Variants in TVP23C observed in about 807,000 individuals in gnomAD.
TVP23C encodes the protein trans-golgi network vesicle protein 23 homolog C.
Under a neutral mutation model 28.7 loss-of-function variants are expected in TVP23C, and 19 were observed. That is an observed-to-expected ratio of 0.66 (90% CI 0.46 to 0.97). TVP23C has a LOEUF of 0.97. TVP23C is among the 50% of genes least tolerant of loss of function. TVP23C has a pLI of 0.00. For missense variants in TVP23C, 186 were observed against 241.3 expected (o/e 0.77, Z 1.52); for synonymous variants, 68 against 81.7 (o/e 0.83, Z 0.90).
intron 5 of TVP23C, among the ~76,000 whole-genome samples, chr17:15,506,185 C>G (rs1352051002): frequency 6.6e-6 from 1 of 152,264 alleles, no homozygotes; most frequent in Admixed American, 6.5e-5. Flanking sequence ...GTCTTTATGT[C>G]TAGCTCAGGG....
In TVP23C at chr17:15,538,683, G is replaced by A; in HGVS notation, c.*1729C>T. The A allele has an allele frequency of 1.0e-6, 1 of 985,432 alleles. No homozygotes were observed. Among genetic ancestry groups the A allele is most frequent in the South Asian group, 4.7e-5 (1 of 21,288 alleles). 61.0% of individuals were successfully genotyped at this position (985,432 alleles called of 1,614,324 possible). A position where few individuals can be genotyped will look rare whatever the true frequency, so the allele number is the denominator to read the frequency against. On this transcript the variant is annotated 3_prime_UTR_variant, in exon 6 of 6. Coordinates refer to ENST00000518321, the MANE Select transcript of TVP23C (RefSeq NM_001135036.2). Reference sequence around the variant, plus strand: ...CCCAGCTGTCCAGTTTGTCTCATTTGAGCAGACGCCGGATACCATGTAAGA... The same window carrying A: ...CCCAGCTGTCCAGTTTGTCTCATTTAAGCAGACGCCGGATACCATGTAAGA...
chr17:15,525,588 G>A (rs2150838737), intron 5 of TVP23C, among the ~76,000 whole-genome samples: 1 of 152,348 alleles, frequency 6.6e-6, no homozygotes, highest in South Asian at 2.1e-4. Context: ...GTTCCAGCCT[G>A]CTGGCCTGCC....
intron 5 of TVP23C, among the ~76,000 whole-genome samples, chr17:15,524,063 G>GGGGTGTGT (rs1216462843): frequency 1.5e-5 from 2 of 136,262 alleles, no homozygotes; most frequent in Non-Finnish European, 3.1e-5. Context: ...AGCAGAGTGG[G>GGGGTGTGT]GTGTGTGTGT....
Position 15,553,799 on chromosome 17 carries a change from G to C in TVP23C, c.126C>G (p.Phe42Leu), listed in dbSNP as rs138170654. Residue 42 changes from phenylalanine (F) to leucine (L), a missense_variant, in exon 3 of 6, where the codon TTC becomes TTG. This residue lies in a region of TVP23C where 92 missense variants were observed against 94.3 expected (regional missense o/e 0.98). Coordinates refer to ENST00000518321, the MANE Select transcript of TVP23C (RefSeq NM_001135036.2). ...RHPVASFFHL[F>L]FRVSAIIVCL... is the part of the protein sequence containing the mutation. ...AGACGATGATTGCACTGACTCGAAA[G>C]AATAAGTGGAAAAACGATGCTACTG... 7 of 1,613,832 alleles carry C rather than the reference G, an allele frequency of 4.3e-6. No individual in the cohort carries two copies. Among genetic ancestry groups the C allele is most frequent in the Non-Finnish European group, 5.9e-6 (7 of 1,179,838 alleles).
At chr17:15,561,346 C>G (rs1984376261) in intron 1 of TVP23C, among the ~76,000 whole-genome samples, 1 of 152,182 alleles carries the variant, frequency 6.6e-6, no homozygotes, top group African/African-American at 2.4e-5. Flanking sequence ...CGCCTGTAAT[C>G]CTAGCACTTT....
chr17:15,549,294 G>A (rs1237580055), intron 3 of TVP23C, among the ~76,000 whole-genome samples: 1 of 152,182 alleles, frequency 6.6e-6, no homozygotes, highest in Admixed American at 6.5e-5. Context: ...AATTGGATAT[G>A]GAGTAGGAAG....
chr17:15,560,422 T>C lies in TVP23C; in HGVS notation c.12+3015A>G, dbSNP rs555597899. On this transcript the variant is annotated intron_variant, in intron 1 of 5. Coordinates refer to ENST00000518321, the MANE Select transcript of TVP23C (RefSeq NM_001135036.2). ...CTCAGTAAGAGCAGTTCCAGTACAGTTGGGAGAGGGGAAGAGAGACTGACT... is the reference window on the plus strand; with the variant it reads ...CTCAGTAAGAGCAGTTCCAGTACAGCTGGGAGAGGGGAAGAGAGACTGACT... 3.8e-4 allele frequency among the ~76,000 whole-genome samples: 56 copies of C among 149,088 alleles called. 1 individual carries two copies. The highest frequency in any genetic ancestry group is 1.3e-3 in the African/African-American group (53 of 41,258).
chr17:15,502,799 TC>T lies in TVP23C; in HGVS notation c.*64del, dbSNP rs1410192497. 610 of 1,461,124 alleles carry T rather than the reference TC, an allele frequency of 4.2e-4. No homozygotes were observed. In the Middle Eastern group the frequency reaches 6.9e-3, roughly 17 times the overall value. 90.5% of individuals were successfully genotyped at this position (1,461,124 alleles called of 1,614,324 possible). A position where few individuals can be genotyped will look rare whatever the true frequency, so the allele number is the denominator to read the frequency against. ...CTCTCTTCCCTCCCTCTCTCCTCTC[TC>T]CTCTCTCTCCTCTCTCTCTCTCTCT... On this transcript the variant is annotated 3_prime_UTR_variant, in exon 6 of 6. Transcript: ENST00000225576.
intron 5 of TVP23C, among the ~76,000 whole-genome samples, chr17:15,523,078 C>T (rs1438559575): frequency 1.3e-5 from 2 of 151,598 alleles, no homozygotes; most frequent in African/African-American, 4.9e-5. Flanking sequence ...GGTGCGATCT[C>T]GGCTCACTGC....
At chr17:15,550,243 A>T (rs1983828867) in intron 3 of TVP23C, among the ~76,000 whole-genome samples, 1 of 152,246 alleles carries the variant, frequency 6.6e-6, no homozygotes, top group South Asian at 2.1e-4. Context: ...AGGTATAAAT[A>T]ACTTATATTT....
chr17:15,526,337 T>C lies in TVP23C; in HGVS notation c.462+19448A>G, dbSNP rs139695727. On this transcript the variant is annotated intron_variant, in intron 5 of 5. Coordinates refer to the TVP23C transcript ENST00000225576. ...TCGAAGCCTCACCATTGACAAGTCC[T>C]GGCTTCACCTCTCTCTAGTTATATG... Among the ~76,000 whole-genome samples, 358 of 152,318 alleles carry C rather than the reference T, an allele frequency of 2.4e-3. 2 individuals are homozygous for C. Among genetic ancestry groups the C allele is most frequent in the African/African-American group, 8.1e-3 (336 of 41,570 alleles).
intron 1 of TVP23C, among the ~76,000 whole-genome samples, chr17:15,558,531 G>T (rs1273868669): frequency 6.7e-6 from 1 of 148,168 alleles, no homozygotes; most frequent in Non-Finnish European, 1.5e-5. Flanking sequence ...GATTACCCAG[G>T]CTGGTCAGAT....
Position 15,540,071 on chromosome 17 carries a change from C to A in TVP23C, c.*341G>T. ...TTGCACCACTGCACTCCAGCCTGGG[C>A]GACAGAGCAAAACTCTGTCTCAAAA... On this transcript the variant is annotated 3_prime_UTR_variant, in exon 6 of 6. Transcript: ENST00000518321. 9.0e-7 allele frequency: 1 copy of A among 1,109,636 alleles called. No individual in the cohort carries two copies. The highest frequency in any genetic ancestry group is 2.4e-5 in the South Asian group (1 of 41,962). The allele number at this position is 1,109,636 out of a possible 1,614,324, so 68.7% of individuals were successfully genotyped here. A position where few individuals can be genotyped will look rare whatever the true frequency, so the allele number is the denominator to read the frequency against.
intron 5 of TVP23C, among the ~76,000 whole-genome samples, chr17:15,507,666 A>C (rs567119455): frequency 6.6e-6 from 1 of 152,176 alleles, no homozygotes; most frequent in African/African-American, 2.4e-5. Context: ...GTGAAACCCC[A>C]TCTCTACTAA....
chr17:15,542,189 T>A (rs534637170), intron 5 of TVP23C, among the ~76,000 whole-genome samples: 75 of 152,124 alleles, frequency 4.9e-4, no homozygotes, highest in Non-Finnish European at 7.9e-4. Context: ...CCCAGGAACT[T>A]ATAGAAAAGC....
chr17:15,522,183 C>T (rs1363072632), intron 5 of TVP23C, among the ~76,000 whole-genome samples: 1 of 152,032 alleles, frequency 6.6e-6, no homozygotes, highest in Non-Finnish European at 1.5e-5. Flanking sequence ...TTTGAGGAGG[C>T]TTAAAGACAT....
chr17:15,525,177 T>G (rs549424118), intron 5 of TVP23C, among the ~76,000 whole-genome samples: 2 of 152,030 alleles, frequency 1.3e-5, no homozygotes, highest in Non-Finnish European at 2.9e-5. Flanking sequence ...TCACCTACAC[T>G]GTTAAAAGGC....
At chr17:15,518,678 T>C (rs1982337658) in intron 5 of TVP23C, among the ~76,000 whole-genome samples, 1 of 152,152 alleles carries the variant, frequency 6.6e-6, no homozygotes, top group Non-Finnish European at 1.5e-5. Flanking sequence ...ATTCCATGGC[T>C]AAGACTGGGC....
chr17:15,524,062 GGGTGTGTGT>G (rs994393027), intron 5 of TVP23C, among the ~76,000 whole-genome samples: 5 of 128,752 alleles, frequency 3.9e-5, no homozygotes, highest in African/African-American at 1.5e-4. Flanking sequence ...TAGCAGAGTG[GGGTGTGTGT>G]GTGTGTGTGT....
Sources: allele counts gnomAD v4.1 joint callset (sites outside exome capture counted in the v4.1 genomes callset), GRCh38; gene constraint gnomAD v4.1.1; regional missense constraint gnomAD v4.1.1; transcripts MANE v1.5; gene names NCBI Gene and HGNC (gene_info 2026-07-23, HGNC 2026-07-21).